Variants in RBFOX3 observed in about 807,000 individuals in gnomAD.
The protein encoded by RBFOX3 is RNA binding protein fox-1 homolog 3.
In RBFOX3, 17 loss-of-function variants were observed where a neutral mutation model predicts 48.7. That is an observed-to-expected ratio of 0.35 (90% CI 0.24 to 0.52). The LOEUF is 0.52. RBFOX3 is among the 20% of genes least tolerant of loss of function. The pLI is 0.94. For synonymous variants in RBFOX3, 212 were observed against 209.5 expected (o/e 1.01, Z -0.10); for missense variants, 382 against 497.5 (o/e 0.77, Z 2.21).
the RBFOX3 span, among the ~76,000 whole-genome samples, chr17:79,664,516 T>G: frequency 1.4e-4 from 22 of 152,076 alleles, no homozygotes; most frequent in African/African-American, 4.6e-4. Context: ...CTGGCTAATT[T>G]TTTGTATTTT....
At chr17:79,393,273 G>A (rs1191776977) in intron 2 of RBFOX3, among the ~76,000 whole-genome samples, 1 of 152,182 alleles carries the variant, frequency 6.6e-6, no homozygotes, top group Non-Finnish European at 1.5e-5. Context: ...GGAGGCTTGG[G>A]GCACCTCTCC....
chr17:79,306,787 C>A (rs4790003), intron 3 of RBFOX3, among the ~76,000 whole-genome samples: 7,819 of 152,340 alleles, frequency 0.051, 361 homozygotes, highest in East Asian at 0.24. Context: ...TCCTCCTCCA[C>A]CCCCAGCTCC....
intron 3 of RBFOX3, among the ~76,000 whole-genome samples, chr17:79,273,586 GGT>G (rs2068149542): frequency 6.7e-6 from 1 of 148,390 alleles, no homozygotes; most frequent in Admixed American, 6.7e-5. Context: ...GCGGGGGCGG[GGT>G]GCTAGCAGAT....
In RBFOX3 at chr17:79,391,547, C is replaced by T. The variant is rs376897133; in HGVS notation, c.-174-83723G>A. Among the ~76,000 whole-genome samples, 4 of 152,296 alleles carry T rather than the reference C, an allele frequency of 2.6e-5. No individual in the cohort carries two copies. The highest frequency in any genetic ancestry group is 1.9e-4 in the East Asian group (1 of 5,168). On this transcript the variant is annotated intron_variant, in intron 2 of 14. Transcript: ENST00000693108. This position sits in a 1 kb window ranked among gnomAD's most constrained non-coding sequence, Gnocchi z 5.0. ...AAATGCCACCGATTTTAATCTCACCCGAAACCAACCTCACAGGTGCTGATT... is the reference window on the plus strand; with the variant it reads ...AAATGCCACCGATTTTAATCTCACCTGAAACCAACCTCACAGGTGCTGATT...
At chr17:79,124,663 TG>T (rs11344052) in intron 4 of RBFOX3, among the ~76,000 whole-genome samples, 152,313 of 152,314 alleles carry the variant, frequency 1, 76,156 homozygotes, top group Non-Finnish European at 1. Flanking sequence ...GTTGCGGGGG[TG>T]GGTGGCCAGG....
intron 4 of RBFOX3, among the ~76,000 whole-genome samples, chr17:79,127,812 A>T (rs752844181): frequency 6.6e-6 from 1 of 151,852 alleles, no homozygotes; most frequent in African/African-American, 2.4e-5. Flanking sequence ...GAGACCTGTG[A>T]CCCCCGATCC....
In RBFOX3 at chr17:79,356,373, T is replaced by TTTTTTTTTTG. The variant is rs2085102598; in HGVS notation, c.-174-48550_-174-48549insCAAAAAAAAA. 4.0e-4 allele frequency among the ~76,000 whole-genome samples: 36 copies of TTTTTTTTTTG among 89,014 alleles called. 1 individual carries two copies. Among genetic ancestry groups the TTTTTTTTTTG allele is most frequent in the Admixed American group, 6.6e-4 (5 of 7,580 alleles). The allele number at this position is 89,014 out of a possible 152,430, so 58.4% of individuals were successfully genotyped here. On this transcript the variant is annotated intron_variant, in intron 2 of 14. Coordinates refer to ENST00000693108, the MANE Select transcript of RBFOX3 (RefSeq NM_001350451.2). Reference sequence around the variant, plus strand: ...GTTTTTTTTTTTTTTTTTTTTTTTTTTTTTTTTTTTTTTGAGGAGGAGTCT... The same window carrying TTTTTTTTTTG: ...GTTTTTTTTTTTTTTTTTTTTTTTTTTTTTTTTTTGTTTTTTTTTTTTTGAGGAGGAGTCT...
At chr17:79,463,244 G>A (rs1379853437) in intron 2 of RBFOX3, among the ~76,000 whole-genome samples, 20 of 103,786 alleles carry the variant, frequency 1.9e-4, no homozygotes, top group South Asian at 3.8e-4. Context: ...CACTGCCATC[G>A]CCACTGCCAC....
At chr17:79,136,717 C>T (rs569251819) in intron 4 of RBFOX3, among the ~76,000 whole-genome samples, 1 of 152,240 alleles carries the variant, frequency 6.6e-6, no homozygotes, top group South Asian at 2.1e-4. Flanking sequence ...GCCAGGGTCC[C>T]CGACCTGATG....
At chr17:79,370,063 G>A (rs552596393) in intron 2 of RBFOX3, among the ~76,000 whole-genome samples, 3 of 152,276 alleles carry the variant, frequency 2.0e-5, no homozygotes, top group Admixed American at 6.5e-5. Flanking sequence ...CTGGGGCCTC[G>A]CTGGCTTCCA....
Position 79,254,744 on chromosome 17 carries a change from C to A in RBFOX3, c.-73-18939G>T, listed in dbSNP as rs894094531. Among the ~76,000 whole-genome samples, 1 of 152,186 alleles carries A rather than the reference C, an allele frequency of 6.6e-6. No individual in the cohort carries two copies. The highest frequency in any genetic ancestry group is 1.5e-5 in the Non-Finnish European group (1 of 68,042). On this transcript the variant is annotated intron_variant, in intron 3 of 14. Coordinates refer to ENST00000693108, the MANE Select transcript of RBFOX3 (RefSeq NM_001350451.2). The surrounding 1 kb of genome is among the most constrained non-coding windows in gnomAD (Gnocchi z 4.8). ...CCGCCCTGCCTGAGTGGGTGCCTTA[C>A]CTGGACAGTATCCAGGTGGACAGGT...
At position 79,336,494 on chromosome 17, in the gene RBFOX3, G is replaced by A. The variant is rs1261790422; in HGVS notation, c.-174-28670C>T. On this transcript the variant is annotated intron_variant, in intron 2 of 14. Coordinates refer to ENST00000693108, the MANE Select transcript of RBFOX3 (RefSeq NM_001350451.2). ...AGCTTCTGAAAAGCTGAAGTCCCCT[G>A]TCCAGCAGCGCATGGAGACAGAACT... 2.6e-5 allele frequency among the ~76,000 whole-genome samples: 4 copies of A among 152,230 alleles called. No individual in the cohort carries two copies. The East Asian group carries it at 7.7e-4, about 29-fold the overall frequency.
At chr17:79,164,372 A>G (rs2047575588) in intron 4 of RBFOX3, among the ~76,000 whole-genome samples, 1 of 152,180 alleles carries the variant, frequency 6.6e-6, no homozygotes. Flanking sequence ...CTTAACCCTG[A>G]AGACCCCCAA....
At chr17:79,533,513 TG>T (rs2088188610) in intron 1 of RBFOX3, among the ~76,000 whole-genome samples, 1 of 152,272 alleles carries the variant, frequency 6.6e-6, no homozygotes. Context: ...CCTGGCCGAC[TG>T]GGGGAGTTTT....
rs114483768 is a variant in RBFOX3, at chr17:79,465,275, C to T, written c.-175+17179G>A. On this transcript the variant is annotated intron_variant, in intron 2 of 14. Coordinates refer to ENST00000693108, the MANE Select transcript of RBFOX3 (RefSeq NM_001350451.2). ...AGGCCACATAGAAACCAGAGCTGCT[C>T]GTCAGAGAAAAGCTCCATCCCATAA... Among the ~76,000 whole-genome samples the T allele has an allele frequency of 9.8e-3, 1,496 of 152,258 alleles. 17 individuals carry two copies. The highest frequency in any genetic ancestry group is 0.033 in the African/African-American group (1,351 of 41,534).
At chr17:79,368,194 C>T (rs1299895017) in intron 2 of RBFOX3, among the ~76,000 whole-genome samples, 1 of 152,212 alleles carries the variant, frequency 6.6e-6, no homozygotes, top group African/African-American at 2.4e-5. Context: ...CAACTTTTCC[C>T]CTCTCCACAG....
intron 1 of RBFOX3, among the ~76,000 whole-genome samples, chr17:79,499,729 A>G (rs2082125031): frequency 6.6e-6 from 1 of 152,254 alleles, no homozygotes; most frequent in South Asian, 2.1e-4. Context: ...GGGTTACCAT[A>G]AGAAACAGAT....
At chr17:79,406,405 CAG>C (rs1365411053) in intron 2 of RBFOX3, among the ~76,000 whole-genome samples, 1 of 152,166 alleles carries the variant, frequency 6.6e-6, no homozygotes, top group Non-Finnish European at 1.5e-5. Flanking sequence ...GGTTGGGTCT[CAG>C]AGCTCTTCCT....
intron 2 of RBFOX3, among the ~76,000 whole-genome samples, chr17:79,313,782 G>A (rs764156021): frequency 2.6e-5 from 4 of 152,152 alleles, no homozygotes; most frequent in South Asian, 2.1e-4. Flanking sequence ...GCCTCGGGGT[G>A]GGGGGCCGCT....
Sources: allele counts gnomAD v4.1 joint callset (sites outside exome capture counted in the v4.1 genomes callset), GRCh38; gene constraint gnomAD v4.1.1; non-coding constraint Gnocchi (gnomAD v3.1); transcripts MANE v1.5; gene names NCBI Gene and HGNC (gene_info 2026-07-23, HGNC 2026-07-21).